The following CAMK1D variants were observed in gnomAD, a reference collection of about 807,000 sequenced individuals.
The protein encoded by CAMK1D is calcium/calmodulin dependent protein kinase ID.
A neutral mutation model predicts 47.7 loss-of-function variants in CAMK1D; 9 were observed. That is an observed-to-expected ratio of 0.19 (90% CI 0.11 to 0.33). The LOEUF is 0.33. Among genes scored for constraint, CAMK1D ranks in the 10% least tolerant of loss-of-function variants. The probability of loss-of-function intolerance (pLI) is 1.00; values close to 1 mark genes in which losing one functional copy is unlikely to be tolerated. For missense variants in CAMK1D, 291 were observed against 488.7 expected, an observed-to-expected ratio of 0.60 and a Z score of 3.81; for synonymous variants, 184 against 184.9, an observed-to-expected ratio of 0.99 and a Z score of 0.04.
At chr10:12,408,395 G>A (rs1839525818) in intron 1 of CAMK1D, among the ~76,000 whole-genome samples, 4 of 146,374 alleles carry the variant, frequency 2.7e-5, no homozygotes, top group South Asian at 4.4e-4. Context: ...GGGTGGTCTC[G>A]ATCTCCTGAC....
intron 2 of CAMK1D, among the ~76,000 whole-genome samples, chr10:12,577,009 C>T (rs1013121436): frequency 2.0e-5 from 3 of 152,200 alleles, no homozygotes; most frequent in Admixed American, 6.5e-5. Flanking sequence ...GCCGTGGAAC[C>T]AGTTCCAGAA....
intron 1 of CAMK1D, among the ~76,000 whole-genome samples, chr10:12,543,879 T>C (rs1836279150): frequency 1.3e-5 from 2 of 152,192 alleles, no homozygotes; most frequent in Admixed American, 6.5e-5. Flanking sequence ...CCACAGTCCA[T>C]TGAAACTGAC....
chr10:12,648,339 G>A (rs1839867867), intron 2 of CAMK1D, among the ~76,000 whole-genome samples: 1 of 152,160 alleles, frequency 6.6e-6, no homozygotes, highest in African/African-American at 2.4e-5. Context: ...GCCTAGCGAT[G>A]GCGTTTCAGT....
chr10:12,657,462 A>G (rs1840152134), intron 2 of CAMK1D, among the ~76,000 whole-genome samples: 1 of 152,040 alleles, frequency 6.6e-6, no homozygotes, highest in South Asian at 2.1e-4. Context: ...AAATAAAAAC[A>G]CCTTTCTGTA....
intron 1 of CAMK1D, among the ~76,000 whole-genome samples, chr10:12,358,559 G>A (rs1837578817): frequency 6.6e-6 from 1 of 151,946 alleles, no homozygotes; most frequent in Non-Finnish European, 1.5e-5. Flanking sequence ...AAGAAATGGG[G>A]GATTCTGTCT....
At chr10:12,603,663 G>T (rs190274317) in intron 2 of CAMK1D, among the ~76,000 whole-genome samples, 241 of 152,164 alleles carry the variant, frequency 1.6e-3, no homozygotes, top group African/African-American at 5.7e-3. Context: ...ACCCGCTGGG[G>T]ATCATTCTCC....
chr10:12,814,132 A>G, intron 6 of CAMK1D, 63 bp from the exon 7 acceptor site: 1 of 1,069,456 alleles, frequency 9.4e-7, no homozygotes, highest in East Asian at 2.4e-5. Context: ...CTTCCAGGCA[A>G]AGTGTACAGT....
rs1307594316 is a variant in CAMK1D at position 12,694,374 on chromosome 10, A to T, written c.299+27564A>T. The stretch of plus-strand genomic sequence containing the variant: ...TATATATGTTATATGTTATATATAA[A>T]ATATAAAATATATATGTTATATATC... On this transcript the variant is annotated intron_variant, in intron 3 of 10. Transcript: ENST00000619168. Among the ~76,000 whole-genome samples, 102 of 68,952 alleles carry T rather than the reference A, an allele frequency of 1.5e-3. 4 individuals are homozygous for T. Among genetic ancestry groups the T allele is most frequent in the South Asian group, 0.01 (14 of 1,366 alleles). The allele number at this position is 68,952 out of a possible 152,430, so 45.2% of individuals were successfully genotyped here.
chr10:12,756,820 C>T (rs554667661), intron 3 of CAMK1D, among the ~76,000 whole-genome samples: 34 of 152,232 alleles, frequency 2.2e-4, no homozygotes, highest in Non-Finnish European at 3.8e-4. Context: ...CCCAGCTACT[C>T]GGGAGGCTAA....
Position 12,412,034 on chromosome 10 carries a change from G to C in CAMK1D, c.92+62124G>C, listed in dbSNP as rs180795172. On this transcript the variant is annotated intron_variant, in intron 1 of 10. Coordinates refer to ENST00000619168, the MANE Select transcript of CAMK1D (RefSeq NM_153498.4). Reference sequence around the variant, plus strand: ...CTTGAGGTTTGAGTCTATCAGCGTGGGCTGGTTTCTCAGGTGACAACTGGC... The same window carrying C: ...CTTGAGGTTTGAGTCTATCAGCGTGCGCTGGTTTCTCAGGTGACAACTGGC... Among the ~76,000 whole-genome samples the C allele has an allele frequency of 5.3e-5, 8 of 152,310 alleles. No homozygotes were observed. In the East Asian group the frequency reaches 1.5e-3, roughly 29 times the overall value.
intron 5 of CAMK1D, among the ~76,000 whole-genome samples, chr10:12,785,238 G>A (rs964432069): frequency 6.6e-6 from 1 of 152,320 alleles, no homozygotes; most frequent in Admixed American, 6.5e-5. Flanking sequence ...CAGGGACTTT[G>A]CCTTGTCATT....
At chr10:12,526,798 G>T (rs1835635867) in intron 1 of CAMK1D, among the ~76,000 whole-genome samples, 1 of 151,262 alleles carries the variant, frequency 6.6e-6, no homozygotes, top group South Asian at 2.1e-4. Context: ...CACGCCTGTA[G>T]TCCCAGCTAC....
chr10:12,389,952 T>G (rs1180271367), intron 1 of CAMK1D, among the ~76,000 whole-genome samples: 1 of 152,132 alleles, frequency 6.6e-6, no homozygotes, highest in African/African-American at 2.4e-5. Flanking sequence ...ATTTTTCCTG[T>G]GGGTCATCTT....
chr10:12,498,140 A>G (rs768070812), intron 1 of CAMK1D, among the ~76,000 whole-genome samples: 2 of 152,230 alleles, frequency 1.3e-5, no homozygotes, highest in African/African-American at 2.4e-5. Context: ...TATAGGAGCT[A>G]TAATTCAAGA....
chr10:12,536,620 C>T (rs1391145181), intron 1 of CAMK1D, among the ~76,000 whole-genome samples: 1 of 152,200 alleles, frequency 6.6e-6, no homozygotes, highest in Admixed American at 6.5e-5. Context: ...TCTCCAGAGG[C>T]AACCTTTACT....
rs80148558 is a variant in CAMK1D at position 12,620,300 on chromosome 10, A to G, written c.225-46436A>G. 4.3e-4 allele frequency among the ~76,000 whole-genome samples: 65 copies of G among 151,830 alleles called. No homozygotes were observed. In the East Asian group the frequency reaches 0.012, roughly 28 times the overall value. Reference sequence around the variant, plus strand: ...CTCTGGGATAAATGCCAGGAGTTCAATTGCTAGGTTGCATGGTGGTTGCAT... The same window carrying G: ...CTCTGGGATAAATGCCAGGAGTTCAGTTGCTAGGTTGCATGGTGGTTGCAT... On this transcript the variant is annotated intron_variant, in intron 2 of 10. Transcript: ENST00000619168.
chr10:12,620,307 G>A (rs1838960921), intron 2 of CAMK1D, among the ~76,000 whole-genome samples: 1 of 151,844 alleles, frequency 6.6e-6, no homozygotes, highest in Non-Finnish European at 1.5e-5. Flanking sequence ...TCAATTGCTA[G>A]GTTGCATGGT....
At chr10:12,793,919 A>G (rs981323153) in intron 6 of CAMK1D, among the ~76,000 whole-genome samples, 9 of 152,256 alleles carry the variant, frequency 5.9e-5, no homozygotes, top group Admixed American at 3.9e-4. Flanking sequence ...TACATCAGAA[A>G]GCGACATGCA....
At chr10:12,535,869 C>T (rs772693584) in intron 1 of CAMK1D, among the ~76,000 whole-genome samples, 2 of 152,078 alleles carry the variant, frequency 1.3e-5, no homozygotes, top group African/African-American at 2.4e-5. Flanking sequence ...TTTCATAACC[C>T]CATGGAGTTG....
Sources: gnomAD v4.1 joint callset for allele counts (sites outside exome capture counted in the v4.1 genomes callset) on GRCh38, gnomAD v4.1.1 for gene constraint, MANE v1.5 for transcripts, NCBI Gene and HGNC (gene_info 2026-07-23, HGNC 2026-07-21) for gene names.